Variants in ECHDC1 observed in about 807,000 individuals in gnomAD.
ECHDC1 encodes the protein ethylmalonyl-CoA decarboxylase.
Under a neutral mutation model 29.7 loss-of-function variants are expected in ECHDC1, and 29 were observed. That is an observed-to-expected ratio of 0.98 (90% CI 0.73 to 1.33). ECHDC1 has a LOEUF of 1.33. Ranked by LOEUF, ECHDC1 falls within the 40% of genes most tolerant of loss-of-function variation. ECHDC1 has a pLI of 0.00. For missense variants in ECHDC1, 328 were observed against 350.0 expected, an observed-to-expected ratio of 0.94 and a Z score of 0.50; for synonymous variants, 126 against 123.1, an observed-to-expected ratio of 1.02 and a Z score of -0.15.
chr6:127,310,226 C>T (rs6569482), intron 5 of ECHDC1, among the ~76,000 whole-genome samples: 111,011 of 151,928 alleles, frequency 0.73, 40,722 homozygotes, highest in East Asian at 0.78. Flanking sequence ...CATTTAAAAA[C>T]AACTAAAAGA....
At chr6:127,290,761 C>CT (rs1429404991) in intron 5 of ECHDC1, among the ~76,000 whole-genome samples, 1 of 152,020 alleles carries the variant, frequency 6.6e-6, no homozygotes, top group Admixed American at 6.6e-5. Context: ...GGTGCTGAGA[C>CT]TACAGGAATG....
intron 2 of ECHDC1, among the ~76,000 whole-genome samples, chr6:127,327,873 A>G (rs1462463525): frequency 6.6e-6 from 1 of 152,218 alleles, no homozygotes; most frequent in Non-Finnish European, 1.5e-5. Flanking sequence ...GATCTAATCA[A>G]TAACTTTTAG....
rs774841748 is a variant in ECHDC1, at chr6:127,331,053, C to A, written c.-2-23G>T. 6.3e-6 allele frequency: 10 copies of A among 1,585,124 alleles called. No homozygotes were observed. In the South Asian group the frequency reaches 1.0e-4, roughly 16 times the overall value. ...TTTCTGGAAAACAGAAATAAGTATG[C>A]GGTAGTATAGATGAATAGGCACTCA... On this transcript the variant is annotated intron_variant, in intron 1 of 5. Transcript: ENST00000454859.
intron 2 of ECHDC1, among the ~76,000 whole-genome samples, chr6:127,328,935 G>A (rs2114674217): frequency 6.6e-6 from 1 of 152,220 alleles, no homozygotes; most frequent in South Asian, 2.1e-4. Context: ...GCTGAGGCAG[G>A]AGAATGGCGT....
chr6:127,332,931 T>C (rs139513872), intron 1 of ECHDC1, among the ~76,000 whole-genome samples: 2 of 152,184 alleles, frequency 1.3e-5, no homozygotes, highest in African/African-American at 2.4e-5. Flanking sequence ...TAGCTGGGAC[T>C]ATAGGTATAT....
In ECHDC1 at chr6:127,290,194, A is replaced by G. The variant is rs768489069; in HGVS notation, c.581T>C (p.Val194Ala). 44 of 1,613,534 alleles carry G rather than the reference A, an allele frequency of 2.7e-5. No individual in the cohort carries two copies. In the East Asian group the frequency reaches 9.1e-4, roughly 34 times the overall value. Residue 194 changes from valine to alanine, a missense_variant, in exon 6 of 6, where the codon GTT (valine) becomes GCT (alanine). Val to Ala is a moderately conservative substitution (Grantham distance 64). Coordinates refer to ENST00000454859, the MANE Select transcript of ECHDC1 (RefSeq NM_001002030.2). ...AGCTTGTCTACTTCCGATTATTTCAACTAGCCGGGTGGTGCCACCCCAGCT... is the reference window on the plus strand; with the variant it reads ...AGCTTGTCTACTTCCGATTATTTCAGCTAGCCGGGTGGTGCCACCCCAGCT... ...IPSWGGTTRLVEIIGSRQALK... is the reference protein window; with the variant it reads ...IPSWGGTTRLAEIIGSRQALK...
Position 127,343,425 on chromosome 6 carries a change from C to G in ECHDC1, c.-92G>C, listed in dbSNP as rs1457813559. On this transcript the variant is annotated 5_prime_UTR_variant, in exon 1 of 6. An upstream start codon of the reference 5' UTR is lost. Coordinates refer to ENST00000454859, the MANE Select transcript of ECHDC1 (RefSeq NM_001002030.2). ...CCTTTGTTTCCGCTCCCCCCGGGAC[C>G]ATCGTGCGCCCCTGTCCTCCGTTCT... is the stretch of plus-strand genomic sequence containing the variant. 6.6e-6 allele frequency: 1 copy of G among 152,538 alleles called. No individual in the cohort carries two copies. The highest frequency in any genetic ancestry group is 1.5e-5 in the Non-Finnish European group (1 of 68,358). The allele number at this position is 152,538 out of a possible 1,614,324, so 9.4% of individuals were successfully genotyped here.
intron 5 of ECHDC1, among the ~76,000 whole-genome samples, chr6:127,309,418 C>T (rs1781696485): frequency 7.2e-6 from 1 of 138,642 alleles, no homozygotes. Context: ...CCCTATCTAT[C>T]ACCACAGACA....
intron 1 of ECHDC1, among the ~76,000 whole-genome samples, chr6:127,334,406 C>T (rs1784250576): frequency 6.6e-6 from 1 of 152,114 alleles, no homozygotes; most frequent in Admixed American, 6.6e-5. Context: ...ATCTTTCCCT[C>T]TCCTATTACT....
At chr6:127,327,838 G>T (rs1783502691) in intron 2 of ECHDC1, among the ~76,000 whole-genome samples, 1 of 152,188 alleles carries the variant, frequency 6.6e-6, no homozygotes, top group African/African-American at 2.4e-5. Context: ...ATTTAACACA[G>T]AAACAGCTGG....
chr6:127,320,879 T>C (rs1198978849), intron 3 of ECHDC1, among the ~76,000 whole-genome samples: 1 of 151,938 alleles, frequency 6.6e-6, no homozygotes, highest in Non-Finnish European at 1.5e-5. Context: ...CAACTTCTTA[T>C]GGGATCAGTT....
At chr6:127,329,886 G>T in intron 2 of ECHDC1, 1 of 455,180 alleles carries the variant, frequency 2.2e-6, no homozygotes, top group Non-Finnish European at 4.4e-6. Flanking sequence ...CTGAATTCTG[G>T]TAAGTGGAGA....
At chr6:127,292,199 T>C (rs1301728168) in intron 5 of ECHDC1, among the ~76,000 whole-genome samples, 1 of 152,040 alleles carries the variant, frequency 6.6e-6, no homozygotes, top group Non-Finnish European at 1.5e-5. Context: ...ATAGATTCAT[T>C]TAGAATCAGC....
chr6:127,329,215 G>A (rs1036596589), intron 2 of ECHDC1, among the ~76,000 whole-genome samples: 4 of 151,780 alleles, frequency 2.6e-5, no homozygotes, highest in Non-Finnish European at 5.9e-5. Flanking sequence ...AGTTTGCAAA[G>A]TAAACCTCAA....
At chr6:127,334,491 G>C (rs1434255829) in intron 1 of ECHDC1, among the ~76,000 whole-genome samples, 1 of 152,096 alleles carries the variant, frequency 6.6e-6, no homozygotes, top group Non-Finnish European at 1.5e-5. Context: ...CTGTTCTTTA[G>C]AGTAATGTGG....
At position 127,290,056 on chromosome 6, in the gene ECHDC1, T is replaced by G; in HGVS notation, c.719A>C (p.Gln240Pro). ...SDETKSLEEA[Q>P]EWLKQFIQGP... The stretch of plus-strand genomic sequence containing the variant: ...TTGGATGAATTGCTTTAGCCATTCT[T>G]GTGCCTCTTCTAGAGATTTAGTTTC... Residue 240 changes from glutamine to proline, a missense_variant, in exon 6 of 6, where the codon CAA becomes CCA. By Grantham distance (76) the Gln-to-Pro change is moderately conservative. Transcript: ENST00000454859. 3.1e-6 allele frequency: 5 copies of G among 1,613,740 alleles called. No individual in the cohort carries two copies. In the South Asian group the frequency reaches 4.4e-5, roughly 14 times the overall value.
intron 3 of ECHDC1, among the ~76,000 whole-genome samples, chr6:127,318,707 C>T (rs146320037): frequency 1.3e-5 from 2 of 152,254 alleles, no homozygotes; most frequent in East Asian, 3.9e-4. Flanking sequence ...ATGCCTTCCC[C>T]CTCCTCAGAC....
At chr6:127,309,171 C>T (rs1042688190) in intron 5 of ECHDC1, among the ~76,000 whole-genome samples, 2 of 151,908 alleles carry the variant, frequency 1.3e-5, no homozygotes, top group African/African-American at 2.4e-5. Context: ...CAAAGAACAG[C>T]CCTGGAGGAA....
chr6:127,333,129 A>T (rs1562333702), intron 1 of ECHDC1, among the ~76,000 whole-genome samples: 1 of 152,124 alleles, frequency 6.6e-6, no homozygotes, highest in Non-Finnish European at 1.5e-5. Context: ...CTATGAACAT[A>T]AGCTATCGGT....
Sources: allele counts gnomAD v4.1 joint callset (sites outside exome capture counted in the v4.1 genomes callset), GRCh38; gene constraint gnomAD v4.1.1; transcripts MANE v1.5; gene names NCBI Gene and HGNC (gene_info 2026-07-23, HGNC 2026-07-21).